MAP4K1: variants seen among roughly 807,000 people sequenced by gnomAD.
MAP4K1 encodes MAPK/ERK kinase kinase kinase 1.
In MAP4K1, 35 loss-of-function variants were observed where a neutral mutation model predicts 122.8. The ratio of observed to expected loss-of-function variants is 0.29; its 90% CI spans 0.22 to 0.38. The LOEUF (loss-of-function observed/expected upper bound fraction) is 0.38. Ranked by LOEUF, MAP4K1 falls within the 10% of genes least tolerant of loss-of-function variation. The pLI is 1.00. For synonymous variants in MAP4K1, 412 were observed against 421.3 expected, an observed-to-expected ratio of 0.98 and a Z score of 0.27; for missense variants, 791 against 1,072.6, an observed-to-expected ratio of 0.74 and a Z score of 3.67.
chr19:38,610,062 G>A, intron 11 of MAP4K1, 37 bp from the exon 12 acceptor site: 1 of 1,453,784 alleles, frequency 6.9e-7, no homozygotes, highest in Admixed American at 1.7e-5. Flanking sequence ...CCAGAGGGAT[G>A]GTGTGGACAG....
intron 26 of MAP4K1, 112 bp from the exon 27 acceptor site, chr19:38,596,113 T>G (rs975422826): frequency 1.5e-6 from 2 of 1,352,356 alleles, no homozygotes; most frequent in Non-Finnish European, 2.1e-6. Flanking sequence ...CACAAGCAAG[T>G]GGGCTAAACC....
rs1975577086 is a variant in MAP4K1, at chr19:38,614,048, C to G, written c.455G>C (p.Arg152Thr). ...NILINDAGEVRLADFGISAQI... is the reference protein window; with the variant it reads ...NILINDAGEVTLADFGISAQI... ...CAACCCCCAGCCTTACTCACCCAATCTGACCTCCCCAGCATCATTGATGAG... is the reference window on the plus strand; with the variant it reads ...CAACCCCCAGCCTTACTCACCCAATGTGACCTCCCCAGCATCATTGATGAG... The change falls in exon 7 of 31, where the codon AGA (arginine) becomes ACA (threonine). Residue 152 changes from arginine (R) to threonine (T), a missense_variant. Coordinates refer to ENST00000396857, the MANE Select transcript of MAP4K1 (RefSeq NM_001042600.3). 2 of 1,613,218 alleles carry G rather than the reference C, an allele frequency of 1.2e-6. No individual in the cohort carries two copies. The highest frequency in any genetic ancestry group is 1.7e-6 in the Non-Finnish European group (2 of 1,179,808).
In MAP4K1 at chr19:38,617,316, G is replaced by T; in HGVS notation, c.248+38C>A. 3 of 1,426,624 alleles carry T rather than the reference G, an allele frequency of 2.1e-6. No homozygotes were observed. The highest frequency in any genetic ancestry group is 3.0e-6 in the Non-Finnish European group (3 of 1,010,072). The allele number at this position is 1,426,624 out of a possible 1,614,324, so 88.4% of individuals were successfully genotyped here. On this transcript the variant is annotated intron_variant, in intron 3 of 30. Transcript: ENST00000396857. The surrounding 1 kb of genome is among the most constrained non-coding windows in gnomAD (Gnocchi z 4.1). ...AAGAAATGGGGACTCCGGGTTAGGGGCTGGGCTGGGTGCCAGGGTGGGTCT... is the reference window on the plus strand; with the variant it reads ...AAGAAATGGGGACTCCGGGTTAGGGTCTGGGCTGGGTGCCAGGGTGGGTCT...
chr19:38,595,334 G>T (rs1001957109), intron 29 of MAP4K1, 151 bp downstream of exon 29: 3 of 497,720 alleles, frequency 6.0e-6, no homozygotes, highest in Non-Finnish European at 1.1e-5. Flanking sequence ...AAATCCTGGG[G>T]CAAAGAAGGG....
At chr19:38,614,915 C>G (rs1296868965) in intron 4 of MAP4K1, 1 of 92,796 alleles carries the variant, frequency 1.1e-5, no homozygotes, top group African/African-American at 4.4e-5. Flanking sequence ...GAAGGAGGCT[C>G]TGTCTCAAAA....
chr19:38,599,413 G>A (rs956767482), intron 22 of MAP4K1, among the ~76,000 whole-genome samples: 1 of 149,280 alleles, frequency 6.7e-6, no homozygotes, highest in African/African-American at 2.5e-5. Context: ...TGTAATCCCA[G>A]CATTTTGGGA....
At chr19:38,590,397 AT>A (rs1568618939) in intron 30 of MAP4K1, among the ~76,000 whole-genome samples, 41 of 29,718 alleles carry the variant, frequency 1.4e-3, no homozygotes, top group African/African-American at 5.3e-3. Flanking sequence ...AAAAAAAAAT[AT>A]ATATATATAT....
rs201586511 is a variant in MAP4K1 at position 38,597,330 on chromosome 19, A to G, written c.1833T>C (p.Cys611=). ...IQDTKGCRAC[C]VAEGASSGGP... The stretch of plus-strand genomic sequence containing the variant: ...ACCCGTGAAGCTCTCTCTCACCCAC[A>G]CAGCACGCCCGGCAGCCTTTGGTGT... The change falls in exon 24 of 31, where the codon TGT becomes TGC. Residue 611 remains cysteine, a synonymous_variant. Transcript: ENST00000396857. The surrounding 1 kb of genome is among the most constrained non-coding windows in gnomAD (Gnocchi z 4.6). 3 of 1,613,624 alleles carry G rather than the reference A, an allele frequency of 1.9e-6. No individual in the cohort carries two copies. The highest frequency in any genetic ancestry group is 4.5e-5 in the East Asian group (2 of 44,864).
intron 19 of MAP4K1, among the ~76,000 whole-genome samples, chr19:38,602,072 C>G (rs1027891623): frequency 2.0e-5 from 3 of 151,034 alleles, no homozygotes; most frequent in African/African-American, 7.3e-5. Flanking sequence ...GGCACCACTC[C>G]CAGCTGTCAG....
chr19:38,603,091 T>C (rs1436267098), intron 19 of MAP4K1, among the ~76,000 whole-genome samples: 1 of 141,938 alleles, frequency 7.0e-6, no homozygotes, highest in African/African-American at 2.6e-5. Flanking sequence ...CACATGTACA[T>C]ATATACACAT....
intron 19 of MAP4K1, 171 bp from the exon 20 acceptor site, chr19:38,601,696 T>A (rs1975070574): frequency 3.5e-6 from 2 of 569,570 alleles, no homozygotes; most frequent in Non-Finnish European, 6.1e-6. Context: ...ATACATTGAG[T>A]TTTCTTTTCA....
At chr19:38,600,788 T>A (rs968738101) in intron 20 of MAP4K1, among the ~76,000 whole-genome samples, 3 of 146,610 alleles carry the variant, frequency 2.0e-5, no homozygotes, top group African/African-American at 7.5e-5. Flanking sequence ...CTCCAACTCA[T>A]CCCTCTACCC....
intron 22 of MAP4K1, among the ~76,000 whole-genome samples, chr19:38,599,629 T>G (rs905429330): frequency 1.3e-5 from 2 of 151,648 alleles, no homozygotes; most frequent in African/African-American, 2.4e-5. Context: ...ACCACTGCGC[T>G]CCAGCCTGAG....
chr19:38,603,775 G>A (rs1018492511), intron 19 of MAP4K1, among the ~76,000 whole-genome samples: 2 of 152,120 alleles, frequency 1.3e-5, no homozygotes, highest in Non-Finnish European at 2.9e-5. Flanking sequence ...CTTGAGGTCA[G>A]GAGTTTGAGA....
chr19:38,591,017 G>C (rs1729331955), intron 30 of MAP4K1, among the ~76,000 whole-genome samples: 1 of 151,240 alleles, frequency 6.6e-6, no homozygotes, highest in African/African-American at 2.4e-5. Context: ...TTGTATGTGT[G>C]GTGTGTGCGC....
chr19:38,590,306 T>A (rs370254722), intron 30 of MAP4K1, among the ~76,000 whole-genome samples: 123,791 of 123,792 alleles, frequency 1, 61,895 homozygotes, highest in Middle Eastern at 1. Context: ...AAAGAAGTTT[T>A]AATTATTTTT....
intron 11 of MAP4K1, among the ~76,000 whole-genome samples, chr19:38,610,676 A>T (rs1975471183): frequency 6.6e-6 from 1 of 152,070 alleles, no homozygotes. Context: ...GTGAGCCACC[A>T]TGCCCAGCCG....
chr19:38,606,164 G>A lies in MAP4K1; in HGVS notation c.1200+9C>T, dbSNP rs1182616738. On this transcript the variant is annotated intron_variant, in intron 17 of 30. Coordinates refer to ENST00000396857, the MANE Select transcript of MAP4K1 (RefSeq NM_001042600.3). ...GCCCCAGCCTCCCAGCTCTGGCCCA[G>A]GGCCTTACCTTGGGGGGAAGTGGAG... is the stretch of plus-strand genomic sequence containing the variant. 6 of 1,582,296 alleles carry A rather than the reference G, an allele frequency of 3.8e-6. No homozygotes were observed. In the South Asian group the frequency reaches 5.8e-5, roughly 15 times the overall value.
chr19:38,602,418 A>G (rs559112688), intron 19 of MAP4K1, among the ~76,000 whole-genome samples: 1 of 134,494 alleles, frequency 7.4e-6, no homozygotes, highest in South Asian at 2.9e-4. Flanking sequence ...ATAGACACAC[A>G]CACACACACA....
Sources: allele counts gnomAD v4.1 joint callset (sites outside exome capture counted in the v4.1 genomes callset), GRCh38; gene constraint gnomAD v4.1.1; non-coding constraint Gnocchi (gnomAD v3.1); transcripts MANE v1.5; gene names NCBI Gene and HGNC (gene_info 2026-07-23, HGNC 2026-07-21).